ITGAE: variants seen among roughly 807,000 people sequenced by gnomAD.
The protein encoded by ITGAE is integrin alpha-E.
In ITGAE, 99 loss-of-function variants were observed where a neutral mutation model predicts 136.5. The ratio of observed to expected loss-of-function variants is 0.73; its 90% CI spans 0.62 to 0.86. ITGAE has a LOEUF of 0.86. Ranked by LOEUF, ITGAE falls within the 40% of genes least tolerant of loss-of-function variation. ITGAE has a pLI of 0.00. For synonymous variants in ITGAE, 613 were observed against 591.8 expected (o/e 1.04, Z -0.52); for missense variants, 1,447 against 1,515.3 (o/e 0.95, Z 0.75).
intron 19 of ITGAE, among the ~76,000 whole-genome samples, chr17:3,742,388 G>A (rs2051608113): frequency 6.6e-6 from 1 of 151,438 alleles, no homozygotes; most frequent in Non-Finnish European, 1.5e-5. Flanking sequence ...TGAATTTCCT[G>A]ATTTTGATTA....
At chr17:3,755,376 G>A in intron 11 of ITGAE, 115 bp from the exon 12 acceptor site, 2 of 1,255,708 alleles carry the variant, frequency 1.6e-6, no homozygotes, top group Non-Finnish European at 2.1e-6. Flanking sequence ...GGGGGCGTTC[G>A]GTGGTCTAGT....
intron 28 of ITGAE, 93 bp downstream of exon 28, chr17:3,723,195 G>A: frequency 1.1e-6 from 1 of 896,880 alleles, no homozygotes; most frequent in African/African-American, 1.6e-5. Flanking sequence ...TTTTGGACAT[G>A]GACATGTTAT....
intron 2 of ITGAE, among the ~76,000 whole-genome samples, chr17:3,775,198 G>A (rs1045285423): frequency 1.1e-4 from 16 of 152,002 alleles, no homozygotes; most frequent in Non-Finnish European, 5.9e-5. Context: ...TGATCCACCC[G>A]CCTTGACCTC....
At chr17:3,745,318 G>A (rs775932860) in intron 18 of ITGAE, among the ~76,000 whole-genome samples, 5 of 152,004 alleles carry the variant, frequency 3.3e-5, no homozygotes, top group Non-Finnish European at 5.9e-5. Context: ...TCCATCTTCC[G>A]TGCCATTACG....
intron 1 of ITGAE, among the ~76,000 whole-genome samples, chr17:3,792,067 A>G (rs992965751): frequency 1.2e-4 from 18 of 152,294 alleles, no homozygotes; most frequent in Admixed American, 5.9e-4. Context: ...CCTGCATTTA[A>G]GGCCATTTCC....
At chr17:3,769,365 C>T (rs547382378) in intron 2 of ITGAE, among the ~76,000 whole-genome samples, 44 of 151,254 alleles carry the variant, frequency 2.9e-4, no homozygotes, top group Middle Eastern at 3.4e-3. Context: ...ACCTGGACTG[C>T]GCGTTCCCAG....
At chr17:3,755,384 A>C in intron 11 of ITGAE, 123 bp from the exon 12 acceptor site, 15 of 1,164,124 alleles carry the variant, frequency 1.3e-5, no homozygotes, top group Non-Finnish European at 1.6e-5. Flanking sequence ...TCGGTGGTCT[A>C]GTGCCCGCCT....
In ITGAE at chr17:3,801,168, T is replaced by G. The variant is rs775857784; in HGVS notation, c.-24A>C. The G allele has an allele frequency of 6.2e-7, 1 of 1,608,940 alleles. No individual in the cohort carries two copies. The highest frequency in any genetic ancestry group is 8.5e-7 in the Non-Finnish European group (1 of 1,179,890). Reference sequence around the variant, plus strand: ...ATCCTTGCTGGAGCAGAGGCGGCTGTGTGGGAGCCGAGGCGAGTGCGACAC... The same window carrying G: ...ATCCTTGCTGGAGCAGAGGCGGCTGGGTGGGAGCCGAGGCGAGTGCGACAC... On this transcript the variant is annotated 5_prime_UTR_variant, in exon 1 of 31. Transcript: ENST00000263087.
rs757349939 is a variant in ITGAE at position 3,729,491 on chromosome 17, CAACG to C, written c.2895_2898del (p.Phe965LeufsTer9). 7 of 1,610,260 alleles carry C rather than the reference CAACG, an allele frequency of 4.3e-6. No homozygotes were observed. Among genetic ancestry groups the C allele is most frequent in the Non-Finnish European group, 5.9e-6 (7 of 1,176,522 alleles). ...GGGAGTACTCACTTGGACAGAACTG[CAACG>C]AAGCCATGCCTGAATTGAAGGGTGT... is the stretch of plus-strand genomic sequence containing the variant. On this transcript the variant is annotated frameshift_variant, in exon 24 of 31. Transcript: ENST00000263087. LOFTEE classifies it high-confidence loss of function.
chr17:3,781,730 C>T (rs1479159451), intron 1 of ITGAE, among the ~76,000 whole-genome samples: 1 of 152,154 alleles, frequency 6.6e-6, no homozygotes, highest in Non-Finnish European at 1.5e-5. Context: ...AATAGGGATA[C>T]AACTTTACTT....
chr17:3,759,604 C>T (rs1289547678), intron 7 of ITGAE, 51 bp from the exon 8 acceptor site: 13 of 1,583,656 alleles, frequency 8.2e-6, no homozygotes, highest in Non-Finnish European at 1.1e-5. Flanking sequence ...GCCACCTCTG[C>T]CCCTGAAATG....
chr17:3,797,450 C>A (rs1207311724), intron 1 of ITGAE, among the ~76,000 whole-genome samples: 1 of 148,582 alleles, frequency 6.7e-6, no homozygotes, highest in African/African-American at 2.5e-5. Flanking sequence ...CAGGCTTGAG[C>A]CACTGCGCCT....
intron 11 of ITGAE, 57 bp from the exon 12 acceptor site, chr17:3,755,318 G>A: frequency 1.4e-6 from 2 of 1,464,602 alleles, no homozygotes; most frequent in South Asian, 1.4e-5. Context: ...GCCGGGCCAC[G>A]GTGGCCGCGG....
chr17:3,722,496 A>G (rs1013815955), intron 28 of ITGAE: 23 of 152,710 alleles, frequency 1.5e-4, no homozygotes, highest in East Asian at 1.1e-3. Context: ...AAAAAAAAAA[A>G]AAAGAAAAGA....
At chr17:3,728,704 A>G (rs1483474469) in intron 24 of ITGAE, among the ~76,000 whole-genome samples, 1 of 150,710 alleles carries the variant, frequency 6.6e-6, no homozygotes, top group African/African-American at 2.4e-5. Context: ...ACTGCTTTCA[A>G]CTGAATACAT....
chr17:3,726,235 T>C (rs755588205), intron 26 of ITGAE: 11 of 1,614,186 alleles, frequency 6.8e-6, no homozygotes, highest in Non-Finnish European at 9.3e-6. Context: ...ACTCCTGCCA[T>C]GAAGCAAATT....
At chr17:3,750,936 G>A (rs1379622040) in intron 15 of ITGAE, among the ~76,000 whole-genome samples, 1 of 150,698 alleles carries the variant, frequency 6.6e-6, no homozygotes, top group Non-Finnish European at 1.5e-5. Context: ...GCTGGGAGTG[G>A]GATGGCAAGG....
At chr17:3,759,582 G>C in intron 7 of ITGAE, 29 bp from the exon 8 acceptor site, 1 of 1,595,192 alleles carries the variant, frequency 6.3e-7, no homozygotes, top group Non-Finnish European at 8.6e-7. Context: ...AGGGCAGGAG[G>C]TTGGAAGAAT....
At chr17:3,743,044 C>T (rs536335104) in intron 19 of ITGAE, among the ~76,000 whole-genome samples, 2 of 152,364 alleles carry the variant, frequency 1.3e-5, no homozygotes, top group Admixed American at 1.3e-4. Flanking sequence ...TGGGGCCATT[C>T]AGCCTGAAGG....
Sources: allele counts gnomAD v4.1 joint callset (sites outside exome capture counted in the v4.1 genomes callset), GRCh38; gene constraint gnomAD v4.1.1; transcripts MANE v1.5; gene names NCBI Gene and HGNC (gene_info 2026-07-23, HGNC 2026-07-21).